Variants in GFUS observed in about 807,000 individuals in gnomAD.
GFUS encodes 3-5 epimerase/4-reductase.
Under a neutral mutation model 41.5 loss-of-function variants are expected in GFUS, and 42 were observed. The ratio of observed to expected loss-of-function variants is 1.01; its 90% CI spans 0.79 to 1.31. The LOEUF is 1.31. Among genes scored for constraint, GFUS ranks in the 50% most tolerant of loss-of-function variants. The pLI, the probability that GFUS is intolerant of heterozygous loss-of-function variation, is 0.00. For missense variants in GFUS, 437 were observed against 428.7 expected, an observed-to-expected ratio of 1.02 and a Z score of -0.17; for synonymous variants, 188 against 173.4, an observed-to-expected ratio of 1.08 and a Z score of -0.66.
At chr8:143,616,933 T>A in intron 1 of GFUS, 1 of 614,308 alleles carries the variant, frequency 1.6e-6, no homozygotes, top group Non-Finnish European at 2.8e-6. Context: ...GGTCCTGAGC[T>A]ACCACCCAGC....
At chr8:143,613,071 T>G in intron 10 of GFUS, 106 bp from the exon 11 acceptor site, 1 of 1,556,978 alleles carries the variant, frequency 6.4e-7, no homozygotes, top group South Asian at 1.1e-5. Context: ...CTCAGAGCTT[T>G]GGTGTCCCAC....
At chr8:143,613,399 C>T (rs1310225554) in intron 9 of GFUS, 104 bp from the exon 10 acceptor site, 11 of 1,482,640 alleles carry the variant, frequency 7.4e-6, no homozygotes, top group African/African-American at 1.4e-5. Context: ...AGCAGAGCTC[C>T]TCCGCCTGCC....
Position 143,614,933 on chromosome 8 carries a change from G to A in GFUS, c.262-18C>T, listed in dbSNP as rs757693474. 3.2e-6 allele frequency: 5 copies of A among 1,585,432 alleles called. No homozygotes were observed. The highest frequency in any genetic ancestry group is 3.4e-6 in the Non-Finnish European group (4 of 1,163,338). On this transcript the variant is annotated intron_variant, in intron 3 of 10. Coordinates refer to ENST00000425753, the MANE Select transcript of GFUS (RefSeq NM_003313.4). ...TTTTTCCTCTGCAGGGGTGAGGCGG[G>A]GACAGTTCAGGCTCCCCAGGCCAGA...
chr8:143,617,042 G>A (rs1587308236), intron 1 of GFUS: 1 of 361,630 alleles, frequency 2.8e-6, no homozygotes. Flanking sequence ...ACAACCTTGG[G>A]ACGGGGGCTC....
chr8:143,614,596 T>TG, intron 5 of GFUS, 28 bp downstream of exon 5: 1 of 1,568,044 alleles, frequency 6.4e-7, no homozygotes, highest in Middle Eastern at 1.8e-4. Context: ...GACTCCTGGC[T>TG]GGGCCTCAGC....
intron 1 of GFUS, chr8:143,617,028 G>T: frequency 2.6e-6 from 1 of 379,996 alleles, no homozygotes; most frequent in Non-Finnish European, 4.9e-6. Flanking sequence ...AAGAGGGGAG[G>T]CAGACAACCT....
chr8:143,614,323 T>TGGCCAGGTGCACCTTGTGGATGA lies in GFUS; in HGVS notation c.572_594dup (p.Lys199SerfsTer15). The TGGCCAGGTGCACCTTGTGGATGA allele has an allele frequency of 6.2e-7, 1 of 1,613,606 alleles. No individual in the cohort carries two copies. Among genetic ancestry groups the TGGCCAGGTGCACCTTGTGGATGA allele is most frequent in the Non-Finnish European group, 8.5e-7 (1 of 1,179,816 alleles). On this transcript the variant is annotated frameshift_variant, in exon 6 of 11. Transcript: ENST00000425753. LOFTEE classifies it high-confidence loss of function. The stretch of plus-strand genomic sequence containing the variant: ...CCCATCGGACGGACGCACTCACTCT[T>TGGCCAGGTGCACCTTGTGGATGA]GGCCAGGTGCACCTTGTGGATGAGG...
rs1239742521 is a variant in GFUS, at chr8:143,616,679, C to G, written c.34G>C (p.Val12Leu). The change falls in exon 2 of 11, where the codon GTG (valine) becomes CTG (leucine). Residue 12 changes from valine (V) to leucine (L), a missense_variant. Coordinates refer to ENST00000425753, the MANE Select transcript of GFUS (RefSeq NM_003313.4). ...CCTACCAGCCCAGAGCCCCCTGTCA[C>G]TAGAATCCGCATGGATCCCTGGGGT... ...GEPQGSMRIL[V>L]TGGSGLVGKA... 6.2e-7 allele frequency: 1 copy of G among 1,613,720 alleles called. No individual in the cohort carries two copies. Among genetic ancestry groups the G allele is most frequent in the Non-Finnish European group, 8.5e-7 (1 of 1,180,026 alleles).
chr8:143,612,986 G>C, intron 10 of GFUS, 21 bp from the exon 11 acceptor site: 1 of 1,607,090 alleles, frequency 6.2e-7, no homozygotes, highest in South Asian at 1.1e-5. Flanking sequence ...AGGCAGGTGA[G>C]GGCCATGGAC....
chr8:143,613,850 G>GGGTATAGCC, intron 7 of GFUS, 33 bp from the exon 8 acceptor site: 1 of 1,549,412 alleles, frequency 6.5e-7, no homozygotes. Context: ...CAGAGACCAT[G>GGGTATAGCC]GGTATAGCCA....
chr8:143,616,545 A>T (rs780865031), intron 2 of GFUS, 22 bp downstream of exon 2: 1 of 1,613,710 alleles, frequency 6.2e-7, no homozygotes, highest in Non-Finnish European at 8.5e-7. Context: ...GGAAGGGCTG[A>T]TCTGGGGATG....
At chr8:143,616,246 G>A (rs192441717) in intron 2 of GFUS, 26 bp from the exon 3 acceptor site, 11 of 1,606,404 alleles carry the variant, frequency 6.8e-6, no homozygotes, top group Middle Eastern at 3.3e-4. Flanking sequence ...CTGTCAGGAG[G>A]CTCTGGAGGG....
intron 2 of GFUS, 162 bp from the exon 3 acceptor site, chr8:143,616,382 T>A (rs1201168731): frequency 8.6e-7 from 1 of 1,158,662 alleles, no homozygotes; most frequent in Non-Finnish European, 1.3e-6. Context: ...CAGGAAGAGA[T>A]GGGAGGGTGT....
rs535416597 is a variant in GFUS, at chr8:143,614,989, G to A, written c.262-74C>T. 9.1e-6 allele frequency: 14 copies of A among 1,537,124 alleles called. No homozygotes were observed. In the African/African-American group the frequency reaches 1.6e-4, roughly 18 times the overall value. On this transcript the variant is annotated intron_variant, in intron 3 of 10. Coordinates refer to ENST00000425753, the MANE Select transcript of GFUS (RefSeq NM_003313.4). The stretch of plus-strand genomic sequence containing the variant: ...GCCCTTACCTGCTCCTCCAGACGCA[G>A]AAGTGGAGACACACCCTGGCCCTTC...
rs539092181 is a variant in GFUS at position 143,614,395 on chromosome 8, C to T, written c.523G>A (p.Gly175Arg). Reference protein sequence around the residue: ...FTAVIPTNVFGPHDNFNIEDG... With the variant: ...FTAVIPTNVFRPHDNFNIEDG... ...TCGATGTTGAAGTTGTCGTGGGGCC[C>T]GAAGACGTTGGTGGGGATGACAGCG... The change falls in exon 6 of 11, where the codon GGG (glycine) becomes AGG (arginine). Residue 175 changes from glycine to arginine, a missense_variant. Transcript: ENST00000425753. 1.4e-5 allele frequency: 23 copies of T among 1,613,798 alleles called. No individual in the cohort carries two copies. The highest frequency in any genetic ancestry group is 5.3e-5 in the African/African-American group (4 of 74,914).
chr8:143,613,536 A>G lies in GFUS; in HGVS notation c.798T>C (p.His266=), dbSNP rs777020193. ...AGCCAGAGGATACGGTGACTTCCCC[A>G]TGGAAGTCCATGGCCTCCACCACCG... ...AEAVVEAMDF[H]GEVTFDTTKS... Residue 266 remains histidine, a synonymous_variant, in exon 9 of 11, where the codon CAT becomes CAC. Coordinates refer to ENST00000425753, the MANE Select transcript of GFUS (RefSeq NM_003313.4). 40 of 1,610,696 alleles carry G rather than the reference A, an allele frequency of 2.5e-5. No individual in the cohort carries two copies. Among genetic ancestry groups the G allele is most frequent in the Non-Finnish European group, 3.1e-5 (37 of 1,179,820 alleles).
At chr8:143,617,289 G>C (rs902324135) in intron 1 of GFUS, 185 bp downstream of exon 1, 1 of 155,070 alleles carries the variant, frequency 6.4e-6, no homozygotes, top group South Asian at 2.0e-4. Context: ...CCAGCCCTTA[G>C]GGGAGGGGGC....
Position 143,613,530 on chromosome 8 carries a change from T to A in GFUS, c.804A>T (p.Glu268Asp). The A allele has an allele frequency of 6.2e-7, 1 of 1,610,814 alleles. No homozygotes were observed. The highest frequency in any genetic ancestry group is 8.5e-7 in the Non-Finnish European group (1 of 1,179,788). The stretch of plus-strand genomic sequence containing the variant: ...CACTGGAGCCAGAGGATACGGTGAC[T>A]TCCCCATGGAAGTCCATGGCCTCCA... ...AVVEAMDFHG[E>D]VTFDTTKSDG... The change falls in exon 9 of 11, where the codon GAA becomes GAT. Residue 268 changes from glutamate (E) to aspartate (D), a missense_variant. Coordinates refer to ENST00000425753, the MANE Select transcript of GFUS (RefSeq NM_003313.4).
At chr8:143,616,035 G>A in intron 3 of GFUS, 71 bp downstream of exon 3, 1 of 1,335,308 alleles carries the variant, frequency 7.5e-7, no homozygotes, top group Admixed American at 2.1e-5. Context: ...GTGAGAGTGG[G>A]AAGCCCGCCA....
Sources: gnomAD v4.1 joint callset for allele counts on GRCh38, gnomAD v4.1.1 for gene constraint, MANE v1.5 for transcripts, NCBI Gene and HGNC (gene_info 2026-07-23, HGNC 2026-07-21) for gene names.